The following MYT1L variants were observed in gnomAD, a reference collection of about 807,000 sequenced individuals.
MYT1L encodes the protein myelin transcription factor 1 like.
A neutral mutation model predicts 126.7 loss-of-function variants in MYT1L; 12 were observed. The observed-to-expected ratio is 0.09, with a 90% CI of 0.06 to 0.15. The LOEUF (loss-of-function observed/expected upper bound fraction) is 0.15, where lower values mean the gene tolerates loss of function less well. Ranked by LOEUF, MYT1L falls within the 10% of genes least tolerant of loss-of-function variation. The probability of loss-of-function intolerance (pLI) is 1.00; values close to 1 mark genes in which losing one functional copy is unlikely to be tolerated. For missense variants in MYT1L, 979 were observed against 1,585.2 expected (o/e 0.62, Z 6.49); for synonymous variants, 541 against 604.2 (o/e 0.90, Z 1.53).
At chr2:2,272,075 A>C (rs747489947) in intron 2 of MYT1L, among the ~76,000 whole-genome samples, 27 of 152,110 alleles carry the variant, frequency 1.8e-4, no homozygotes, top group Non-Finnish European at 3.4e-4. Context: ...AGCAGCAGTA[A>C]TGCCCTCCTG....
intron 2 of MYT1L, among the ~76,000 whole-genome samples, chr2:2,256,136 T>C (rs1050132440): frequency 6.6e-6 from 1 of 152,176 alleles, no homozygotes; most frequent in Non-Finnish European, 1.5e-5. Flanking sequence ...CCCCGGTGAA[T>C]AGACAGAGGC....
At chr2:2,082,132 C>CACTAGATAGTGTAGAT (rs1184566734) in intron 3 of MYT1L, among the ~76,000 whole-genome samples, 61 of 152,230 alleles carry the variant, frequency 4.0e-4, no homozygotes, top group African/African-American at 1.4e-3. Flanking sequence ...AAAGGATCTA[C>CACTAGATAGTGTAGAT]CACTATCTAC....
chr2:1,865,031 CCCAGGGTGCTGTCCCCA>C (rs2045268630), intron 18 of MYT1L, among the ~76,000 whole-genome samples: 1 of 152,156 alleles, frequency 6.6e-6, no homozygotes, highest in Non-Finnish European at 1.5e-5. Flanking sequence ...CTCTATGGGC[CCCAGGGTGCTGTCCCCA>C]CCAGGTGCTC....
intron 14 of MYT1L, among the ~76,000 whole-genome samples, chr2:1,902,086 G>T (rs555342720): frequency 1.3e-5 from 2 of 152,268 alleles, no homozygotes; most frequent in South Asian, 4.1e-4. Flanking sequence ...GTCCCAATTG[G>T]TAAAACTTGG....
At chr2:1,841,122 G>GTCTCGA (rs2148399013) in intron 19 of MYT1L, 1 of 246,246 alleles carries the variant, frequency 4.1e-6, no homozygotes, top group East Asian at 1.1e-4. Flanking sequence ...AGCCAGGATG[G>GTCTCGA]TCTCGATCTC....
chr2:1,941,630 A>C (rs1303691924), intron 9 of MYT1L, among the ~76,000 whole-genome samples: 2 of 152,174 alleles, frequency 1.3e-5, no homozygotes, highest in African/African-American at 4.8e-5. Flanking sequence ...TAGCGAGACA[A>C]AAAATCTTGG....
intron 2 of MYT1L, among the ~76,000 whole-genome samples, chr2:2,181,216 G>T (rs748299109): frequency 1.3e-5 from 2 of 151,630 alleles, no homozygotes; most frequent in Non-Finnish European, 1.5e-5. Context: ...ACCTGTGTTT[G>T]TGCCTGTGTG....
At chr2:2,105,322 G>A (rs1221577586) in intron 3 of MYT1L, among the ~76,000 whole-genome samples, 1 of 152,178 alleles carries the variant, frequency 6.6e-6, no homozygotes, top group African/African-American at 2.4e-5. Flanking sequence ...ACTAGGAGGA[G>A]GATTTGCTTT....
At chr2:2,197,901 T>A (rs988352831) in intron 2 of MYT1L, among the ~76,000 whole-genome samples, 2 of 151,442 alleles carry the variant, frequency 1.3e-5, no homozygotes, top group African/African-American at 4.9e-5. Flanking sequence ...AACGAATGTG[T>A]ACAGATGTAT....
intron 1 of MYT1L, among the ~76,000 whole-genome samples, chr2:2,300,082 G>T (rs1034250758): frequency 6.6e-6 from 1 of 152,240 alleles, no homozygotes; most frequent in African/African-American, 2.4e-5. Context: ...CACAAAACAA[G>T]ATTCCATAAA....
At chr2:2,043,104 G>A (rs925619044) in intron 4 of MYT1L, among the ~76,000 whole-genome samples, 7 of 152,112 alleles carry the variant, frequency 4.6e-5, no homozygotes, top group Admixed American at 6.5e-5. Context: ...CCTCACCCAC[G>A]TTCTTTGAGG....
intron 3 of MYT1L, among the ~76,000 whole-genome samples, chr2:2,109,021 A>G (rs755715238): frequency 1.3e-5 from 2 of 152,172 alleles, no homozygotes; most frequent in African/African-American, 4.8e-5. Context: ...CCTGATCCCA[A>G]CAAGGCCAAA....
chr2:1,892,775 C>A (rs2049081811), intron 14 of MYT1L, among the ~76,000 whole-genome samples: 1 of 152,202 alleles, frequency 6.6e-6, no homozygotes, highest in Non-Finnish European at 1.5e-5. Flanking sequence ...GGTCCCTTAT[C>A]TGTCAAGAGG....
At chr2:2,250,211 G>C (rs1479970485) in intron 2 of MYT1L, among the ~76,000 whole-genome samples, 2 of 152,154 alleles carry the variant, frequency 1.3e-5, no homozygotes, top group African/African-American at 4.8e-5. Flanking sequence ...AGAGATCTCT[G>C]CACTCCCATG....
In MYT1L at chr2:1,912,650, T is replaced by G. The variant is rs913915189; in HGVS notation, c.1619-540A>C. On this transcript the variant is annotated intron_variant, in intron 11 of 24. Transcript: ENST00000647738. This position sits in a 1 kb window ranked among gnomAD's most constrained non-coding sequence, Gnocchi z 4.3. ...AACCTTAATTTTAAATAAAATGAAT[T>G]AAATAATCACTCTTCCTTTAGGAAT... Among the ~76,000 whole-genome samples the G allele has an allele frequency of 3.3e-5, 5 of 152,216 alleles. No homozygotes were observed. The highest frequency in any genetic ancestry group is 1.2e-4 in the African/African-American group (5 of 41,454).
intron 21 of MYT1L, chr2:1,824,744 GA>G (rs1327933292): frequency 2.0e-5 from 3 of 151,460 alleles, no homozygotes; most frequent in African/African-American, 7.4e-5. Flanking sequence ...AGAGGAGAGA[GA>G]GGGGGAGGAC....
At chr2:1,845,673 C>T (rs936664552) in intron 19 of MYT1L, among the ~76,000 whole-genome samples, 5 of 152,218 alleles carry the variant, frequency 3.3e-5, no homozygotes, top group Admixed American at 6.5e-5. Flanking sequence ...CTCAGCAGCC[C>T]GCTGTCTAGG....
intron 21 of MYT1L, among the ~76,000 whole-genome samples, chr2:1,820,012 TGCAGAGG>T (rs922829877): frequency 1.4e-5 from 2 of 142,150 alleles, no homozygotes; most frequent in Non-Finnish European, 3.0e-5. Flanking sequence ...GGAGGATGCT[TGCAGAGG>T]GCAGAGGGCA....
intron 3 of MYT1L, among the ~76,000 whole-genome samples, chr2:2,090,278 T>C (rs2076779951): frequency 6.6e-6 from 1 of 152,204 alleles, no homozygotes; most frequent in Non-Finnish European, 1.5e-5. Flanking sequence ...TCAGAGATAC[T>C]GCAGGCTCAC....
Sources: gnomAD v4.1 joint callset for allele counts (sites outside exome capture counted in the v4.1 genomes callset) on GRCh38, gnomAD v4.1.1 for gene constraint, Gnocchi (gnomAD v3.1) non-coding constraint, MANE v1.5 for transcripts, NCBI Gene and HGNC (gene_info 2026-07-23, HGNC 2026-07-21) for gene names.